Variants in POU2F1 observed in about 807,000 individuals in gnomAD.
POU2F1 encodes the protein POU class 2 homeobox 1, also known as POU domain, class 2, transcription factor 1.
POU2F1 carries 16 observed loss-of-function variants against 84.9 expected under a neutral mutation model. The ratio of observed to expected loss-of-function variants is 0.19; its 90% CI spans 0.13 to 0.29. The LOEUF is 0.29. Ranked by LOEUF, POU2F1 falls within the 10% of genes least tolerant of loss-of-function variation. The pLI, the probability that POU2F1 is intolerant of heterozygous loss-of-function variation, is 1.00. For synonymous variants in POU2F1, 368 were observed against 368.3 expected (o/e 1.00, Z 0.01); for missense variants, 738 against 942.6 (o/e 0.78, Z 2.84).
At position 167,415,709 on chromosome 1, in the gene POU2F1, G is replaced by A. The variant is rs759806899; in HGVS notation, c.2200G>A (p.Ala734Thr). The A allele has an allele frequency of 7.4e-6, 12 of 1,613,894 alleles. No individual in the cohort carries two copies. The highest frequency in any genetic ancestry group is 3.3e-5 in the Admixed American group (2 of 59,978). ...GNSAPVASLH[A>T]TSTSAESIQN... ...CTCTGCACCTGTAGCCAGCCTTCAC[G>A]CCACCTCCACCTCTGCTGAGTCCAT... The change falls in exon 16 of 16, where the codon GCC (alanine) becomes ACC (threonine). Residue 734 changes from alanine to threonine, a missense_variant. Physicochemically the swap from Ala to Thr is moderately conservative, Grantham distance 58. Transcript: ENST00000367866.
In POU2F1 at chr1:167,419,722, TTTTA is replaced by T. The variant is rs1359311716; in HGVS notation, c.*3916_*3919del. Reference sequence around the variant, plus strand: ...ATTAACTGATATAATTCACATGTCCTTTTATTTGTTATCAGAAAGATCAATACTA... The same window carrying T: ...ATTAACTGATATAATTCACATGTCCTTTTGTTATCAGAAAGATCAATACTA... On this transcript the variant is annotated 3_prime_UTR_variant, in exon 16 of 16. Transcript: ENST00000367866. The T allele has an allele frequency of 6.6e-6, 1 of 152,240 alleles. No homozygotes were observed. The highest frequency in any genetic ancestry group is 1.5e-5 in the Non-Finnish European group (1 of 68,044). 9.4% of individuals were successfully genotyped at this position (152,240 alleles called of 1,614,324 possible).
intron 1 of POU2F1, among the ~76,000 whole-genome samples, chr1:167,283,617 C>T (rs1653321154): frequency 1.3e-5 from 2 of 152,164 alleles, no homozygotes; most frequent in Admixed American, 1.3e-4. Flanking sequence ...CATTTGGTGA[C>T]ATGAGACTAG....
intron 2 of POU2F1, among the ~76,000 whole-genome samples, chr1:167,362,065 G>C (rs1320333780): frequency 6.6e-6 from 1 of 151,990 alleles, no homozygotes; most frequent in Non-Finnish European, 1.5e-5. Context: ...CACATTTCTA[G>C]CTCATACTTA....
chr1:167,353,392 C>T (rs1303564790), intron 2 of POU2F1, among the ~76,000 whole-genome samples: 1 of 150,334 alleles, frequency 6.7e-6, no homozygotes, highest in Admixed American at 6.6e-5. Context: ...TCTCTCTTTA[C>T]CCCCACCGCC....
intron 1 of POU2F1, among the ~76,000 whole-genome samples, chr1:167,301,176 G>GTT (rs397863771): frequency 1.4e-5 from 2 of 148,132 alleles, no homozygotes; most frequent in Non-Finnish European, 2.9e-5. Context: ...CTTTATATTG[G>GTT]TTCTCTCTCT....
intron 8 of POU2F1, among the ~76,000 whole-genome samples, chr1:167,388,055 G>C (rs1648117458): frequency 6.6e-6 from 1 of 152,064 alleles, no homozygotes; most frequent in Non-Finnish European, 1.5e-5. Flanking sequence ...AAAAATAAAA[G>C]GAAGAAAGCA....
chr1:167,282,078 T>C (rs1189697179), intron 1 of POU2F1, among the ~76,000 whole-genome samples: 2 of 152,146 alleles, frequency 1.3e-5, no homozygotes, highest in African/African-American at 2.4e-5. Context: ...TCCCTCACTA[T>C]TTTCATACTT....
At chr1:167,246,920 A>G (rs990471784) in intron 1 of POU2F1, among the ~76,000 whole-genome samples, 1 of 152,170 alleles carries the variant, frequency 6.6e-6, no homozygotes, top group Non-Finnish European at 1.5e-5. Flanking sequence ...ATAGACAGTA[A>G]ATCGATTAGT....
intron 2 of POU2F1, among the ~76,000 whole-genome samples, chr1:167,354,763 G>T (rs1241740293): frequency 6.6e-6 from 1 of 152,070 alleles, no homozygotes; most frequent in African/African-American, 2.4e-5. Context: ...GTTTTAATTT[G>T]CATTTCCATA....
chr1:167,404,742 G>A (rs990683180), intron 13 of POU2F1, among the ~76,000 whole-genome samples: 1 of 152,136 alleles, frequency 6.6e-6, no homozygotes, highest in African/African-American at 2.4e-5. Flanking sequence ...CTCTCTGTGA[G>A]GCTCCATCAG....
At chr1:167,259,128 C>G (rs768986772) in intron 1 of POU2F1, among the ~76,000 whole-genome samples, 4 of 152,190 alleles carry the variant, frequency 2.6e-5, no homozygotes, top group Non-Finnish European at 4.4e-5. Context: ...GCAGAGACAG[C>G]TTGTTTCTGC....
At chr1:167,317,094 T>C (rs1042486110) in intron 1 of POU2F1, among the ~76,000 whole-genome samples, 2 of 152,170 alleles carry the variant, frequency 1.3e-5, no homozygotes, top group Admixed American at 1.3e-4. Context: ...GGTTTCACCA[T>C]GTTGGCCAGG....
At chr1:167,389,509 T>C in intron 8 of POU2F1, 79 bp from the exon 9 acceptor site, 1 of 1,502,742 alleles carries the variant, frequency 6.7e-7, no homozygotes, top group Non-Finnish European at 9.2e-7. Context: ...TGTGGCTCTT[T>C]CCTTCAGTTG....
intron 8 of POU2F1, among the ~76,000 whole-genome samples, chr1:167,385,355 T>G (rs1647891587): frequency 6.6e-6 from 1 of 152,086 alleles, no homozygotes; most frequent in South Asian, 2.1e-4. Context: ...TATAGAACTG[T>G]AGAAAACACA....
Position 167,365,527 on chromosome 1 carries a change from C to T in POU2F1, c.188C>T (p.Ser63Leu). 1 of 1,603,328 alleles carries T rather than the reference C, an allele frequency of 6.2e-7. No homozygotes were observed. Among genetic ancestry groups the T allele is most frequent in the Non-Finnish European group, 8.5e-7 (1 of 1,175,356 alleles). Residue 63 changes from serine (S) to leucine (L), a missense_variant, in exon 3 of 16, where the codon TCA becomes TTA. Around this residue, in one of 4 missense-constraint regions of POU2F1, gnomAD observed 161 missense variants for 147.0 expected, o/e 1.10. Transcript: ENST00000367866. ...KQPVPVGGAI[S>L]TAQAQAFLGH... The stretch of plus-strand genomic sequence containing the variant: ...CCTGTGCCTGTAGGAGGAGCAATCT[C>T]AACAGCCCAGGCGCAGGCTTTCCTT...
Position 167,419,203 on chromosome 1 carries a change from A to G in POU2F1, c.*3393A>G, listed in dbSNP as rs1238557568. The G allele has an allele frequency of 1.3e-5, 2 of 152,170 alleles. No homozygotes were observed. Among genetic ancestry groups the G allele is most frequent in the African/African-American group, 4.8e-5 (2 of 41,444 alleles). 9.4% of individuals were successfully genotyped at this position (152,170 alleles called of 1,614,324 possible). A position where few individuals can be genotyped will look rare whatever the true frequency, so the allele number is the denominator to read the frequency against. On this transcript the variant is annotated 3_prime_UTR_variant, in exon 16 of 16. Coordinates refer to ENST00000367866, the MANE Select transcript of POU2F1 (RefSeq NM_002697.4). ...CAAATTTAACTTTTAGCCACCTTAT[A>G]TGGGAGAGCCTGGAAACTAAAGGGG... is the stretch of plus-strand genomic sequence containing the variant.
At chr1:167,298,121 C>T (rs1043514213) in intron 1 of POU2F1, among the ~76,000 whole-genome samples, 3 of 151,800 alleles carry the variant, frequency 2.0e-5, no homozygotes, top group Non-Finnish European at 4.4e-5. Flanking sequence ...AGTGAAACTC[C>T]ATCTCCAAAA....
intron 2 of POU2F1, among the ~76,000 whole-genome samples, chr1:167,345,484 T>C (rs1477308703): frequency 6.6e-6 from 1 of 152,128 alleles, no homozygotes; most frequent in Non-Finnish European, 1.5e-5. Context: ...AAATAAACAC[T>C]ATCAGCAGGA....
chr1:167,393,666 T>G (rs185964919), intron 9 of POU2F1, among the ~76,000 whole-genome samples: 1 of 152,162 alleles, frequency 6.6e-6, no homozygotes, highest in East Asian at 1.9e-4. Context: ...CACAGCTAAT[T>G]TTTTTGTGTT....
Sources: gnomAD v4.1 joint callset for allele counts (sites outside exome capture counted in the v4.1 genomes callset) on GRCh38, gnomAD v4.1.1 for gene constraint, gnomAD v4.1.1 regional missense constraint, MANE v1.5 for transcripts, NCBI Gene and HGNC (gene_info 2026-07-23, HGNC 2026-07-21) for gene names.